Variants in LYPD6B observed in about 807,000 individuals in gnomAD.
LYPD6B encodes the protein ly6/PLAUR domain-containing protein 6B.
Under a neutral mutation model 22.8 loss-of-function variants are expected in LYPD6B, and 17 were observed. That is an observed-to-expected ratio of 0.75 (90% CI 0.51 to 1.12). The LOEUF (loss-of-function observed/expected upper bound fraction) is 1.12, where lower values mean the gene tolerates loss of function less well. Ranked by LOEUF, LYPD6B falls within the 50% of genes most tolerant of loss-of-function variation. LYPD6B has a pLI of 0.00. For missense variants in LYPD6B, 221 were observed against 258.3 expected (o/e 0.86, Z 0.99); for synonymous variants, 106 against 91.6 (o/e 1.16, Z -0.90).
intron 2 of LYPD6B, among the ~76,000 whole-genome samples, chr2:149,140,550 C>T (rs914159144): frequency 4.6e-5 from 7 of 152,164 alleles, no homozygotes; most frequent in South Asian, 2.1e-4. Context: ...TAGCTAGATC[C>T]GACTCACACC....
intron 3 of LYPD6B, among the ~76,000 whole-genome samples, chr2:149,195,063 T>C (rs1692721039): frequency 6.6e-6 from 1 of 152,236 alleles, no homozygotes; most frequent in Non-Finnish European, 1.5e-5. Flanking sequence ...CATTGTTCAC[T>C]TAAATGAACA....
chr2:149,116,010 T>A (rs1412499917), intron 1 of LYPD6B, among the ~76,000 whole-genome samples: 2 of 152,206 alleles, frequency 1.3e-5, no homozygotes, highest in African/African-American at 2.4e-5. Flanking sequence ...TTGCAGTGCT[T>A]GTGTTCAAGT....
intron 1 of LYPD6B, among the ~76,000 whole-genome samples, chr2:149,080,668 C>G (rs1260710409): frequency 6.6e-6 from 1 of 151,620 alleles, no homozygotes; most frequent in Non-Finnish European, 1.5e-5. Context: ...ATGGTGAAAC[C>G]CCGACTCTAC....
intron 2 of LYPD6B, among the ~76,000 whole-genome samples, chr2:149,157,923 T>G (rs182902752): frequency 2.0e-4 from 30 of 152,288 alleles, no homozygotes; most frequent in African/African-American, 7.0e-4. Flanking sequence ...AGAAGCTCAT[T>G]ATCACTGGGT....
chr2:149,081,373 A>G (rs1685126746), intron 1 of LYPD6B, among the ~76,000 whole-genome samples: 1 of 152,224 alleles, frequency 6.6e-6, no homozygotes, highest in Non-Finnish European at 1.5e-5. Context: ...TGTTTCAGAA[A>G]CAGAAGTCAG....
chr2:149,163,856 C>T (rs1209979228), intron 3 of LYPD6B, among the ~76,000 whole-genome samples: 1 of 152,048 alleles, frequency 6.6e-6, no homozygotes, highest in Non-Finnish European at 1.5e-5. Context: ...TGACAACAGG[C>T]AGATTAACAG....
intron 1 of LYPD6B, among the ~76,000 whole-genome samples, chr2:149,104,576 CATT>C (rs1386178918): frequency 2.0e-5 from 3 of 152,248 alleles, no homozygotes; most frequent in Admixed American, 1.3e-4. Flanking sequence ...ATTGTTTTCT[CATT>C]ATTTGTTTTG....
chr2:149,094,027 T>C (rs1685790092), intron 1 of LYPD6B, among the ~76,000 whole-genome samples: 1 of 152,160 alleles, frequency 6.6e-6, no homozygotes, highest in Non-Finnish European at 1.5e-5. Flanking sequence ...TTTGATATTA[T>C]GGAATGGATA....
intron 3 of LYPD6B, among the ~76,000 whole-genome samples, chr2:149,164,118 C>T (rs755197367): frequency 3.3e-5 from 5 of 151,874 alleles, no homozygotes; most frequent in South Asian, 4.2e-4. Flanking sequence ...GTTTCCTTAC[C>T]GGTGATAAGA....
chr2:149,040,368 G>C (rs1243814935), intron 1 of LYPD6B, among the ~76,000 whole-genome samples: 1 of 152,072 alleles, frequency 6.6e-6, no homozygotes, highest in Admixed American at 6.6e-5. Flanking sequence ...TGGAGTTACA[G>C]GCGCCGGCCA....
At chr2:149,182,564 T>G (rs149295764) in intron 3 of LYPD6B, among the ~76,000 whole-genome samples, 27 of 152,310 alleles carry the variant, frequency 1.8e-4, no homozygotes, top group African/African-American at 6.3e-4. Flanking sequence ...GTTGCTTGGG[T>G]GAGATACTCT....
intron 1 of LYPD6B, among the ~76,000 whole-genome samples, chr2:149,078,153 T>C (rs1159084028): frequency 2.0e-5 from 3 of 152,132 alleles, no homozygotes; most frequent in African/African-American, 7.2e-5. Flanking sequence ...AGGGGAGGGT[T>C]CCTGAATGAC....
At chr2:149,141,094 A>G (rs1688664352) in intron 2 of LYPD6B, among the ~76,000 whole-genome samples, 1 of 152,222 alleles carries the variant, frequency 6.6e-6, no homozygotes, top group South Asian at 2.1e-4. Flanking sequence ...GTGGTAAGTG[A>G]TGAAAAAAGC....
chr2:149,079,884 C>A (rs941529235), intron 1 of LYPD6B, among the ~76,000 whole-genome samples: 2 of 152,176 alleles, frequency 1.3e-5, no homozygotes, highest in East Asian at 3.8e-4. Context: ...TTCTCGCAAC[C>A]TTTTGTAACA....
intron 1 of LYPD6B, among the ~76,000 whole-genome samples, chr2:149,056,964 A>G (rs973477760): frequency 1.3e-5 from 2 of 152,124 alleles, no homozygotes; most frequent in African/African-American, 4.8e-5. Context: ...TAAAGAGCAT[A>G]CCCCATCTAT....
intron 1 of LYPD6B, among the ~76,000 whole-genome samples, chr2:149,064,257 A>G (rs1684225357): frequency 6.6e-6 from 1 of 152,212 alleles, no homozygotes; most frequent in African/African-American, 2.4e-5. Context: ...TGAATTTTCT[A>G]GTATCTTTTC....
chr2:149,144,297 G>A (rs1220348924), intron 2 of LYPD6B, among the ~76,000 whole-genome samples: 1 of 128,378 alleles, frequency 7.8e-6, no homozygotes, highest in African/African-American at 2.7e-5. Context: ...AATGGGGGTG[G>A]GGTCTTTGGG....
chr2:149,172,261 C>A (rs538151360), intron 3 of LYPD6B, among the ~76,000 whole-genome samples: 1 of 152,172 alleles, frequency 6.6e-6, no homozygotes, highest in Non-Finnish European at 1.5e-5. Context: ...GGGATAGCCA[C>A]CCCCGTGATT....
In LYPD6B at chr2:149,056,534, A is replaced by G. The variant is rs966482255; in HGVS notation, c.-67+17733A>G. On this transcript the variant is annotated intron_variant, in intron 1 of 6. Transcript: ENST00000409642. The stretch of plus-strand genomic sequence containing the variant: ...TGGAGCCTTGGAAATCTTTTTTTCC[A>G]GTAAGTCCACATTTTCCAAGAGGAG... Among the ~76,000 whole-genome samples, 12 of 152,048 alleles carry G rather than the reference A, an allele frequency of 7.9e-5. 1 individual carries two copies. Among genetic ancestry groups the G allele is most frequent in the Admixed American group, 4.6e-4 (7 of 15,282 alleles).
Sources: gnomAD v4.1 joint callset for allele counts (sites outside exome capture counted in the v4.1 genomes callset) on GRCh38, gnomAD v4.1.1 for gene constraint, MANE v1.5 for transcripts, NCBI Gene and HGNC (gene_info 2026-07-23, HGNC 2026-07-21) for gene names.